GATAD2A: variants seen among roughly 807,000 people sequenced by gnomAD.
GATAD2A encodes GATA zinc finger domain containing 2A.
GATAD2A carries 12 observed loss-of-function variants against 68.5 expected under a neutral mutation model. The observed-to-expected ratio is 0.18, with a 90% confidence interval of 0.11 to 0.28. The LOEUF (loss-of-function observed/expected upper bound fraction) is 0.28. Among genes scored for constraint, GATAD2A ranks in the 10% least tolerant of loss-of-function variants. GATAD2A has a pLI of 1.00. For missense variants in GATAD2A, 755 were observed against 868.5 expected (o/e 0.87, Z 1.64); for synonymous variants, 410 against 375.3 (o/e 1.09, Z -1.07).
chr19:19,464,400 G>A (rs924868717), intron 1 of GATAD2A, among the ~76,000 whole-genome samples: 2 of 152,316 alleles, frequency 1.3e-5, no homozygotes, highest in African/African-American at 2.4e-5. Flanking sequence ...CGTCGAGGCC[G>A]GGATTAGAGC....
chr19:19,457,853 C>G (rs1450794596), intron 1 of GATAD2A, among the ~76,000 whole-genome samples: 3 of 152,132 alleles, frequency 2.0e-5, no homozygotes, highest in Non-Finnish European at 2.9e-5. Context: ...CCTGGACTTT[C>G]ACCCAGCCAG....
intron 1 of GATAD2A, among the ~76,000 whole-genome samples, chr19:19,397,990 G>A (rs921076357): frequency 3.9e-4 from 59 of 151,936 alleles, no homozygotes; most frequent in African/African-American, 1.4e-3. Context: ...CACAACCTTC[G>A]CCTTCTGGGT....
rs117920390 is a variant in GATAD2A at position 19,504,227 on chromosome 19, C to T, written c.1775-1117C>T. On this transcript the variant is annotated intron_variant, in intron 11 of 11. Transcript: ENST00000683918. ...TCAAGGGGTCTGGGGCAGCCCTTAC[C>T]TCCAACTCTGGCCAAAAATTCTGCG... Among the ~76,000 whole-genome samples, 729 of 152,308 alleles carry T rather than the reference C, an allele frequency of 4.8e-3. 6 individuals are homozygous for T. The highest frequency in any genetic ancestry group is 0.041 in the South Asian group (198 of 4,826).
Position 19,465,389 on chromosome 19 carries a change from T to C in GATAD2A, c.44T>C (p.Leu15Pro), listed in dbSNP as rs1390280874. ...CGAACACGGAGTCAGAAACGAGCGC[T>C]TGAACGGGACCCAACAGAGGACGAT... ...ACRTRSQKRA[L>P]ERDPTEDDVE... Residue 15 changes from leucine to proline, a missense_variant, in exon 2 of 12, where the codon CTT becomes CCT. Physicochemically the swap from Leu to Pro is moderately conservative, Grantham distance 98. Transcript: ENST00000683918. 6.2e-7 allele frequency: 1 copy of C among 1,613,880 alleles called. No homozygotes were observed. Among genetic ancestry groups the C allele is most frequent in the Non-Finnish European group, 8.5e-7 (1 of 1,179,868 alleles).
intron 2 of GATAD2A, among the ~76,000 whole-genome samples, chr19:19,488,943 G>GC (rs1304963265): frequency 6.6e-6 from 1 of 152,188 alleles, no homozygotes; most frequent in East Asian, 1.9e-4. Flanking sequence ...GGGCCACGAT[G>GC]CCATCCCTCT....
At chr19:19,422,719 T>G (rs1259813728) in intron 1 of GATAD2A, among the ~76,000 whole-genome samples, 5 of 151,472 alleles carry the variant, frequency 3.3e-5, no homozygotes, top group South Asian at 2.1e-4. Flanking sequence ...TTTTGTTGTT[T>G]TTTTTTTTTT....
rs569755878 is a variant in GATAD2A at position 19,421,301 on chromosome 19, C to A, written c.-7+15282C>A. ...CTCCTTGGAGGAAGAGAAGGCTGGC[C>A]CAGTGAAAGCCAGTTGAATGGATGA... On this transcript the variant is annotated intron_variant, in intron 1 of 11. Coordinates refer to ENST00000683918, the MANE Select transcript of GATAD2A (RefSeq NM_001384528.1). Among the ~76,000 whole-genome samples the A allele has an allele frequency of 1.2e-4, 19 of 152,216 alleles. No individual in the cohort carries two copies. In the South Asian group the frequency reaches 3.7e-3, roughly 30 times the overall value.
rs1352456310 is a variant in GATAD2A at position 19,508,291 on chromosome 19, C to T, written c.*2817C>T. 1 of 152,292 alleles carries T rather than the reference C, an allele frequency of 6.6e-6. No individual in the cohort carries two copies. Among genetic ancestry groups the T allele is most frequent in the East Asian group, 1.9e-4 (1 of 5,190 alleles). The allele number at this position is 152,292 out of a possible 1,614,324, so 9.4% of individuals were successfully genotyped here. A position where few individuals can be genotyped will look rare whatever the true frequency, so the allele number is the denominator to read the frequency against. On this transcript the variant is annotated 3_prime_UTR_variant, in exon 12 of 12. Transcript: ENST00000683918. ...ATGGCCAAGTGCCCTTGGAACCTCC[C>T]ACAGCTATGGCCGTCCTGACCTCAT...
rs1240929465 is a variant in GATAD2A at position 19,502,493 on chromosome 19, A to G, written c.1741A>G (p.Thr581Ala). 1 of 1,612,946 alleles carries G rather than the reference A, an allele frequency of 6.2e-7. No individual in the cohort carries two copies. The highest frequency in any genetic ancestry group is 1.7e-5 in the Admixed American group (1 of 59,972). The change falls in exon 11 of 12, where the codon ACC (threonine) becomes GCC (alanine). Residue 581 changes from threonine to alanine, a missense_variant. Physicochemically the swap from Thr to Ala is moderately conservative, Grantham distance 58. Transcript: ENST00000683918. ...CGTGAGCGCCGGCAAGGGCAGCGCC[A>G]CCTCCAACTGGAAGAAGACGCCCCT... ...RTVSAGKGSATSNWKKTPLST... is the reference protein window; with the variant it reads ...RTVSAGKGSAASNWKKTPLST...
In GATAD2A at chr19:19,465,383, G is replaced by A. The variant is rs990780815; in HGVS notation, c.38G>A (p.Arg13Gln). 7 of 1,613,868 alleles carry A rather than the reference G, an allele frequency of 4.3e-6. No individual in the cohort carries two copies. In the African/African-American group the frequency reaches 8.0e-5, roughly 18 times the overall value. Residue 13 changes from arginine (R) to glutamine (Q), a missense_variant, in exon 2 of 12, where the codon CGA becomes CAA. Arg to Gln is a conservative substitution (Grantham distance 43). Coordinates refer to ENST00000683918, the MANE Select transcript of GATAD2A (RefSeq NM_001384528.1). ...EEACRTRSQK[R>Q]ALERDPTEDD... is the part of the protein sequence containing the mutation. ...GCATGCCGAACACGGAGTCAGAAACGAGCGCTTGAACGGGACCCAACAGAG... is the reference window on the plus strand; with the variant it reads ...GCATGCCGAACACGGAGTCAGAAACAAGCGCTTGAACGGGACCCAACAGAG...
chr19:19,447,891 T>A (rs575151555), intron 1 of GATAD2A, among the ~76,000 whole-genome samples: 7 of 152,226 alleles, frequency 4.6e-5, no homozygotes, highest in Non-Finnish European at 1.0e-4. Flanking sequence ...TTTCTGGCCC[T>A]TGGAATTTTC....
At chr19:19,387,190 A>G (rs1318253271) in intron 1 of GATAD2A, among the ~76,000 whole-genome samples, 3 of 150,566 alleles carry the variant, frequency 2.0e-5, no homozygotes, top group African/African-American at 7.4e-5. Flanking sequence ...ACCCCTGGGG[A>G]ACCCCTTCTT....
At chr19:19,433,055 T>C (rs571484795) in intron 1 of GATAD2A, among the ~76,000 whole-genome samples, 3 of 152,310 alleles carry the variant, frequency 2.0e-5, no homozygotes, top group South Asian at 2.1e-4. Context: ...TTTTAATTGC[T>C]GGGAGAATGG....
In GATAD2A at chr19:19,494,351, C is replaced by G. The variant is rs2060002961; in HGVS notation, c.592C>G (p.Gln198Glu). Residue 198 changes from glutamine (Q) to glutamate (E), a missense_variant, in exon 5 of 12, where the codon CAG becomes GAG. Physicochemically the swap from Gln to Glu is conservative, Grantham distance 29. Coordinates refer to ENST00000683918, the MANE Select transcript of GATAD2A (RefSeq NM_001384528.1). ...CCCTCCCCCGCTTGTTCGGGGCACT[C>G]AGAACATTCCTGCTGGCAAGCCATC... The part of the protein sequence containing the change: ...TTPPPLVRGT[Q>E]NIPAGKPSLQ... 1 of 1,612,152 alleles carries G rather than the reference C, an allele frequency of 6.2e-7. No homozygotes were observed.
intron 1 of GATAD2A, among the ~76,000 whole-genome samples, chr19:19,453,898 G>A (rs563384746): frequency 6.6e-6 from 1 of 150,672 alleles, no homozygotes. Context: ...TCCTGGCCTC[G>A]TGATCCACCC....
intron 2 of GATAD2A, among the ~76,000 whole-genome samples, chr19:19,467,251 C>T (rs2057942443): frequency 6.6e-6 from 1 of 152,134 alleles, no homozygotes; most frequent in Non-Finnish European, 1.5e-5. Context: ...TGGCGGGTGC[C>T]TGTAGTCCCA....
At chr19:19,480,540 CA>C (rs1171959424) in intron 2 of GATAD2A, among the ~76,000 whole-genome samples, 2 of 152,236 alleles carry the variant, frequency 1.3e-5, no homozygotes, top group African/African-American at 4.8e-5. Context: ...CATTCCACTG[CA>C]GTATGCAGCA....
upstream of GATAD2A, among the ~76,000 whole-genome samples, chr19:19,403,474 C>T (rs1426408213): frequency 6.6e-6 from 1 of 152,152 alleles, no homozygotes; most frequent in East Asian, 1.9e-4. Context: ...GAAGTTGGCA[C>T]TGCCCTCTGG....
intron 1 of GATAD2A, among the ~76,000 whole-genome samples, chr19:19,445,842 G>A (rs10410664): frequency 0.43 from 65,599 of 151,996 alleles, 15,563 homozygotes; most frequent in African/African-American, 0.63. Context: ...GTTGTTTTCT[G>A]CTTTTTGGCT....
Sources: allele counts gnomAD v4.1 joint callset (sites outside exome capture counted in the v4.1 genomes callset), GRCh38; gene constraint gnomAD v4.1.1; transcripts MANE v1.5; gene names NCBI Gene and HGNC (gene_info 2026-07-23, HGNC 2026-07-21).